The following ZNF487 variants were observed in gnomAD, a reference collection of about 807,000 sequenced individuals.
The protein encoded by ZNF487 is KRAB domain only 1.
In ZNF487, 4 loss-of-function variants were observed where a neutral mutation model predicts 3.0. The ratio of observed to expected loss-of-function variants is 1.35; its 90% CI spans 0.66 to 3.08. The LOEUF (loss-of-function observed/expected upper bound fraction) is 3.08. Ranked by LOEUF, ZNF487 falls within the 30% of genes most tolerant of loss-of-function variation. The pLI is 0.01. For missense variants in ZNF487, 146 were observed against 98.7 expected, an observed-to-expected ratio of 1.48 and a Z score of -2.03; for synonymous variants, 55 against 34.6, an observed-to-expected ratio of 1.59 and a Z score of -2.06.
chr10:43,484,057 C>G (rs1021635185), downstream of ZNF487, among the ~76,000 whole-genome samples: 1 of 151,792 alleles, frequency 6.6e-6, no homozygotes, highest in Non-Finnish European at 1.5e-5. Flanking sequence ...TTAGTAGAGA[C>G]AGGGTTTCGC....
the ZNF487 span, among the ~76,000 whole-genome samples, chr10:43,494,264 A>G: frequency 8.5e-5 from 13 of 152,318 alleles, no homozygotes; most frequent in South Asian, 1.9e-3. Flanking sequence ...TTATTTATGG[A>G]CACTGAAATT....
intron 1 of ZNF487, chr10:43,454,324 T>G (rs1840100510): frequency 6.6e-6 from 1 of 152,296 alleles, no homozygotes; most frequent in Non-Finnish European, 1.5e-5. Flanking sequence ...GTGGTAGGAT[T>G]ACAGGCGTGA....
At chr10:43,495,737 T>G in the ZNF487 span, among the ~76,000 whole-genome samples, 2 of 152,222 alleles carry the variant, frequency 1.3e-5, no homozygotes, top group Non-Finnish European at 2.9e-5. Context: ...AGCAGTGTTT[T>G]AAAGTATTAA....
the ZNF487 span, among the ~76,000 whole-genome samples, chr10:43,493,709 A>AAAAAAAAAAAAAAAATATATATAT: frequency 4.6e-5 from 2 of 43,720 alleles, no homozygotes; most frequent in African/African-American, 1.7e-4. Context: ...AAAAAAAAAA[A>AAAAAAAAAAAAAAAATATATATAT]ATATATATAT....
chr10:43,460,687 T>A (rs1840399658), intron 1 of ZNF487, among the ~76,000 whole-genome samples: 1 of 151,770 alleles, frequency 6.6e-6, no homozygotes, highest in Non-Finnish European at 1.5e-5. Context: ...TATTTTCCTT[T>A]CTTAAAAGTC....
At chr10:43,461,325 T>G (rs1382043119) in intron 1 of ZNF487, among the ~76,000 whole-genome samples, 1 of 1,996 alleles carries the variant, frequency 5.0e-4, no homozygotes, top group Non-Finnish European at 9.8e-4. Context: ...TGTTTTTTTT[T>G]TTTTTTTTTG....
the ZNF487 span, among the ~76,000 whole-genome samples, chr10:43,499,799 A>G: frequency 1.3e-5 from 2 of 152,140 alleles, no homozygotes; most frequent in African/African-American, 4.8e-5. Flanking sequence ...GATGATTAAA[A>G]ATACTCTGAG....
the ZNF487 span, among the ~76,000 whole-genome samples, chr10:43,513,461 G>A: frequency 0.73 from 111,599 of 152,208 alleles, 42,047 homozygotes; most frequent in East Asian, 0.93. Context: ...AAGATCTGTC[G>A]TCTGCACAGG....
chr10:43,462,094 T>G (rs1446191764), intron 1 of ZNF487, among the ~76,000 whole-genome samples: 1 of 152,208 alleles, frequency 6.6e-6, no homozygotes, highest in African/African-American at 2.4e-5. Context: ...TGGTGAAATC[T>G]TCAGTCTTCC....
At chr10:43,517,539 C>A in the ZNF487 span, among the ~76,000 whole-genome samples, 1 of 152,206 alleles carries the variant, frequency 6.6e-6, no homozygotes, top group African/African-American at 2.4e-5. Flanking sequence ...TGCCCATGAG[C>A]CCCTGACGCA....
intron 1 of ZNF487, among the ~76,000 whole-genome samples, chr10:43,470,385 T>C (rs1840862068): frequency 6.6e-6 from 1 of 151,900 alleles, no homozygotes; most frequent in Non-Finnish European, 1.5e-5. Context: ...AGCTAATTTT[T>C]CTATTTATTT....
the ZNF487 span, among the ~76,000 whole-genome samples, chr10:43,512,003 G>A: frequency 2.6e-5 from 4 of 152,014 alleles, no homozygotes; most frequent in South Asian, 2.1e-4. Context: ...ATATATAATC[G>A]CACATGTGGC....
chr10:43,513,670 G>A, the ZNF487 span, among the ~76,000 whole-genome samples: 30 of 152,248 alleles, frequency 2.0e-4, no homozygotes, highest in African/African-American at 7.2e-4. Flanking sequence ...TACCAGTCAG[G>A]GAGCCAATAT....
At chr10:43,494,809 C>T in the ZNF487 span, among the ~76,000 whole-genome samples, 14 of 144,710 alleles carry the variant, frequency 9.7e-5, no homozygotes, top group Non-Finnish European at 1.5e-4. Flanking sequence ...TGGTAGTGCG[C>T]GCCTGTAATG....
chr10:43,513,879 G>A, the ZNF487 span, among the ~76,000 whole-genome samples: 1 of 152,182 alleles, frequency 6.6e-6, no homozygotes, highest in Non-Finnish European at 1.5e-5. Context: ...GGAATCGTTA[G>A]CTCAGAGCCA....
intron 1 of ZNF487, among the ~76,000 whole-genome samples, chr10:43,451,632 C>G (rs1019811441): frequency 6.6e-6 from 1 of 151,528 alleles, no homozygotes; most frequent in African/African-American, 2.4e-5. Context: ...ATGGCGTGAT[C>G]TCGGCTCACT....
chr10:43,495,859 C>T, the ZNF487 span, among the ~76,000 whole-genome samples: 1 of 152,134 alleles, frequency 6.6e-6, no homozygotes, highest in Non-Finnish European at 1.5e-5. Context: ...GATTTGTTCT[C>T]CCACAGGATA....
the ZNF487 span, among the ~76,000 whole-genome samples, chr10:43,521,572 T>G: frequency 6.6e-6 from 1 of 152,204 alleles, no homozygotes; most frequent in South Asian, 2.1e-4. Flanking sequence ...CACCTGGGAA[T>G]ATGTGTGCTG....
chr10:43,457,144 G>A (rs899895681), intron 1 of ZNF487, among the ~76,000 whole-genome samples: 1 of 152,174 alleles, frequency 6.6e-6, no homozygotes, highest in African/African-American at 2.4e-5. Flanking sequence ...TACTCCAGAG[G>A]CTGAGGCAGG....
Sources: gnomAD v4.1 joint callset for allele counts (sites outside exome capture counted in the v4.1 genomes callset) on GRCh38, gnomAD v4.1.1 for gene constraint, MANE v1.5 for transcripts, NCBI Gene and HGNC (gene_info 2026-07-23, HGNC 2026-07-21) for gene names.